CNN3: variants seen among roughly 807,000 people sequenced by gnomAD.
CNN3 encodes the protein calponin-3.
CNN3 carries 11 observed loss-of-function variants against 39.0 expected under a neutral mutation model. That is an observed-to-expected ratio of 0.28 (90% CI 0.18 to 0.47). The LOEUF (loss-of-function observed/expected upper bound fraction) is 0.47, where lower values mean the gene tolerates loss of function less well. CNN3 is among the 20% of genes least tolerant of loss of function. The probability of loss-of-function intolerance (pLI) is 0.99; values close to 1 mark genes in which losing one functional copy is unlikely to be tolerated. For synonymous variants in CNN3, 101 were observed against 138.3 expected, an observed-to-expected ratio of 0.73 and a Z score of 1.89; for missense variants, 266 against 403.4, an observed-to-expected ratio of 0.66 and a Z score of 2.92.
intron 1 of CNN3, among the ~76,000 whole-genome samples, chr1:94,923,054 CT>C (rs1423448866): frequency 3.9e-5 from 6 of 152,146 alleles, no homozygotes; most frequent in African/African-American, 1.4e-4. Flanking sequence ...ATTTTTTCCA[CT>C]TTCCCTGAGA....
chr1:94,904,486 A>G (rs1403262399), intron 1 of CNN3, among the ~76,000 whole-genome samples: 3 of 152,166 alleles, frequency 2.0e-5, no homozygotes, highest in Non-Finnish European at 4.4e-5. Flanking sequence ...ATAGTGGCTC[A>G]CACCTGTAAT....
At position 94,911,167 on chromosome 1, in the gene CNN3, GA is replaced by G. The variant is rs527648462; in HGVS notation, c.58-7644del. Among the ~76,000 whole-genome samples the G allele has an allele frequency of 8.5e-5, 13 of 152,334 alleles. No individual in the cohort carries two copies. The South Asian group carries it at 2.3e-3, about 27-fold the overall frequency. On this transcript the variant is annotated intron_variant, in intron 1 of 6. Transcript: ENST00000370206. The stretch of plus-strand genomic sequence containing the variant: ...CATTTGGGACAGTGATGTCAAGATA[GA>G]ATGCATGCTTTTCTTGAGGTCACCA...
intron 1 of CNN3, among the ~76,000 whole-genome samples, 167 bp from the exon 2 acceptor site, chr1:94,903,691 C>CGG (rs1266705792): frequency 6.6e-6 from 1 of 150,998 alleles, no homozygotes; most frequent in East Asian, 1.9e-4. Context: ...ACTTCAGTAA[C>CGG]TAATAACAAA....
At chr1:94,915,080 C>T (rs1256871226) in intron 1 of CNN3, among the ~76,000 whole-genome samples, 1 of 152,044 alleles carries the variant, frequency 6.6e-6, no homozygotes, top group East Asian at 1.9e-4. Flanking sequence ...ATGGGGTCTC[C>T]CTGTGTTGCC....
chr1:94,903,236 C>A (rs748760285), intron 2 of CNN3, 48 bp from the exon 3 acceptor site: 36 of 1,593,638 alleles, frequency 2.3e-5, no homozygotes, highest in Non-Finnish European at 2.8e-5. Context: ...CACACAAAAA[C>A]AAGGATTGAA....
chr1:94,902,213 T>A lies in CNN3; in HGVS notation c.292A>T (p.Met98Leu). 6.2e-7 allele frequency: 1 copy of A among 1,612,774 alleles called. No homozygotes were observed. The highest frequency in any genetic ancestry group is 8.5e-7 in the Non-Finnish European group (1 of 1,178,746). Residue 98 changes from methionine (M) to leucine (L), a missense_variant, in exon 4 of 7, where the codon ATG becomes TTG. Met to Leu is a conservative substitution (Grantham distance 15). Coordinates refer to ENST00000370206, the MANE Select transcript of CNN3 (RefSeq NM_001839.5). ...NFIKAIQAYG[M>L]KPHDIFEAND... ...GCTTCGAATATGTCATGTGGCTTCA[T>A]ACCATAAGCCTGAATAGCTTTAATA...
chr1:94,905,245 T>C (rs1422660521), intron 1 of CNN3, among the ~76,000 whole-genome samples: 8 of 152,206 alleles, frequency 5.3e-5, no homozygotes, highest in African/African-American at 1.7e-4. Flanking sequence ...GTACACTTGA[T>C]CACAGTTCCT....
intron 1 of CNN3, chr1:94,925,915 G>A: frequency 1.4e-6 from 1 of 704,992 alleles, no homozygotes; most frequent in Non-Finnish European, 1.7e-6. Flanking sequence ...TGGAATGCAG[G>A]GAGGGAGGAA....
chr1:94,918,455 CG>C (rs1671346206), intron 1 of CNN3, among the ~76,000 whole-genome samples: 1 of 139,912 alleles, frequency 7.1e-6, no homozygotes, highest in Non-Finnish European at 1.5e-5. Flanking sequence ...GATCACACCA[CG>C]GTATTCCAGC....
intron 1 of CNN3, among the ~76,000 whole-genome samples, chr1:94,921,542 T>C (rs1160375358): frequency 6.6e-6 from 1 of 152,072 alleles, no homozygotes; most frequent in African/African-American, 2.4e-5. Flanking sequence ...GGATACACTG[T>C]TAAAGAGGGA....
chr1:94,919,863 C>G (rs774551973), intron 1 of CNN3, among the ~76,000 whole-genome samples: 2 of 152,084 alleles, frequency 1.3e-5, no homozygotes, highest in Non-Finnish European at 2.9e-5. Context: ...CACCCTGAAG[C>G]TTCCTGGTCC....
At chr1:94,911,109 G>A (rs895053063) in intron 1 of CNN3, among the ~76,000 whole-genome samples, 1 of 152,212 alleles carries the variant, frequency 6.6e-6, no homozygotes, top group African/African-American at 2.4e-5. Context: ...CTTATGGGGG[G>A]TGGGAGTGGG....
At chr1:94,898,696 A>G (rs1670785850) in intron 6 of CNN3, among the ~76,000 whole-genome samples, 1 of 152,196 alleles carries the variant, frequency 6.6e-6, no homozygotes, top group African/African-American at 2.4e-5. Flanking sequence ...CAGAGTGGGT[A>G]GAAAAGTAAA....
intron 1 of CNN3, among the ~76,000 whole-genome samples, chr1:94,910,180 T>C (rs193290373): frequency 6.6e-6 from 1 of 152,252 alleles, no homozygotes; most frequent in East Asian, 1.9e-4. Context: ...TATTCAACAT[T>C]AGCTTCTGTT....
intron 3 of CNN3, 126 bp from the exon 4 acceptor site, chr1:94,902,384 C>CA: frequency 1.4e-6 from 1 of 720,486 alleles, no homozygotes; most frequent in Non-Finnish European, 2.3e-6. Context: ...AGGATTCAAC[C>CA]AAATACATAC....
chr1:94,901,255 G>A (rs906552456), intron 5 of CNN3, among the ~76,000 whole-genome samples: 2 of 151,882 alleles, frequency 1.3e-5, no homozygotes, highest in South Asian at 2.1e-4. Context: ...TTGGCAGGCT[G>A]AGGCAGGAGA....
At chr1:94,899,623 CA>C (rs1282294798) in intron 5 of CNN3, 106 bp from the exon 6 acceptor site, 5 of 1,159,420 alleles carry the variant, frequency 4.3e-6, no homozygotes, top group Non-Finnish European at 6.1e-6. Flanking sequence ...GCACAACCGA[CA>C]AGTTACTGAG....
chr1:94,908,279 G>A (rs1269883163), intron 1 of CNN3, among the ~76,000 whole-genome samples: 1 of 152,182 alleles, frequency 6.6e-6, no homozygotes, highest in Non-Finnish European at 1.5e-5. Flanking sequence ...TCAGCGATTG[G>A]CCTGCTCTGC....
intron 1 of CNN3, chr1:94,925,548 CAA>C: frequency 1.1e-6 from 1 of 947,694 alleles, no homozygotes; most frequent in South Asian, 4.9e-5. Context: ...CTCCTTGCTT[CAA>C]AGACAGTATG....
Sources: gnomAD v4.1 joint callset for allele counts (sites outside exome capture counted in the v4.1 genomes callset) on GRCh38, gnomAD v4.1.1 for gene constraint, MANE v1.5 for transcripts, NCBI Gene and HGNC (gene_info 2026-07-23, HGNC 2026-07-21) for gene names.